The following PRMT8 variants were observed in gnomAD, a reference collection of about 807,000 sequenced individuals.
PRMT8 encodes the protein protein arginine N-methyltransferase 8.
Under a neutral mutation model 47.1 loss-of-function variants are expected in PRMT8, and 7 were observed. The ratio of observed to expected loss-of-function variants is 0.15; its 90% CI spans 0.08 to 0.28. The LOEUF is 0.28. PRMT8 is among the 10% of genes least tolerant of loss of function. PRMT8 has a pLI of 1.00. For missense variants in PRMT8, 237 were observed against 505.4 expected, an observed-to-expected ratio of 0.47 and a Z score of 5.09; for synonymous variants, 188 against 186.5, an observed-to-expected ratio of 1.01 and a Z score of -0.07.
chr12:3,592,202 C>T (rs557979905), intron 8 of PRMT8, 29 bp from the exon 9 acceptor site: 3 of 1,539,442 alleles, frequency 1.9e-6, no homozygotes, highest in South Asian at 2.6e-5. Context: ...ACTCTTTCTT[C>T]CCACCTCCCC....
At chr12:3,430,202 A>G (rs1864659412) in intron 1 of PRMT8, among the ~76,000 whole-genome samples, 1 of 152,218 alleles carries the variant, frequency 6.6e-6, no homozygotes, top group Non-Finnish European at 1.5e-5. Flanking sequence ...TGCACCAGTA[A>G]TCAGAACTGA....
chr12:3,542,289 GA>G (rs1266414480), intron 2 of PRMT8, among the ~76,000 whole-genome samples: 1 of 152,202 alleles, frequency 6.6e-6, no homozygotes, highest in African/African-American at 2.4e-5. Flanking sequence ...GTTCGGTCCA[GA>G]AGGTCCTGGC....
intron 1 of PRMT8, among the ~76,000 whole-genome samples, chr12:3,447,465 C>G (rs1864870274): frequency 6.6e-6 from 1 of 152,088 alleles, no homozygotes; most frequent in South Asian, 2.1e-4. Flanking sequence ...TTATGCTGTT[C>G]CCACAGCTGA....
At position 3,557,270 on chromosome 12, in the gene PRMT8, G is replaced by A. The variant is rs145057411; in HGVS notation, c.481+3556G>A. Among the ~76,000 whole-genome samples, 1 of 152,314 alleles carries A rather than the reference G, an allele frequency of 6.6e-6. No homozygotes were observed. Among genetic ancestry groups the A allele is most frequent in the East Asian group, 1.9e-4 (1 of 5,182 alleles). ...AGCTCGAGTGCGATTGGAGTAGAAG[G>A]TTGCCGGGATCAGGGCTTTGCTGGG... On this transcript the variant is annotated intron_variant, in intron 4 of 9. Coordinates refer to ENST00000382622, the MANE Select transcript of PRMT8 (RefSeq NM_019854.5). The surrounding 1 kb of genome is among the most constrained non-coding windows in gnomAD (Gnocchi z 4.7).
Position 3,409,968 on chromosome 12 carries a change from A to G in PRMT8, c.48+28526A>G, listed in dbSNP as rs181942672. ...GTGTAGCAGCAACTGGGAGGCGTGG[A>G]TGGAGTGGCTCTGGCCCTCTGGCAG... On this transcript the variant is annotated intron_variant, in intron 1 of 9. Coordinates refer to the PRMT8 transcript ENST00000452611. The surrounding 1 kb of genome is among the most constrained non-coding windows in gnomAD (Gnocchi z 4.4). Among the ~76,000 whole-genome samples the G allele has an allele frequency of 3.9e-5, 6 of 152,314 alleles. No individual in the cohort carries two copies. Among genetic ancestry groups the G allele is most frequent in the Admixed American group, 6.5e-5 (1 of 15,304 alleles).
chr12:3,521,360 G>A (rs1448857420), intron 1 of PRMT8, among the ~76,000 whole-genome samples: 1 of 152,122 alleles, frequency 6.6e-6, no homozygotes, highest in East Asian at 1.9e-4. Flanking sequence ...GATCACTTGA[G>A]GTCAGGAGTA....
At position 3,415,950 on chromosome 12, in the gene PRMT8, AG is replaced by A. The variant is rs1864479106; in HGVS notation, c.48+34511del. Among the ~76,000 whole-genome samples the A allele has an allele frequency of 5.9e-5, 9 of 152,310 alleles. 1 individual carries two copies. The South Asian group carries it at 1.2e-3, about 21-fold the overall frequency. ...TCTCCCCGCAGGACAGGGACAAACT[AG>A]GGCTGCCTGTGCAGGATCACTTGAT... On this transcript the variant is annotated intron_variant, in intron 1 of 9. Transcript: ENST00000452611.
rs1412199669 is a variant in PRMT8, at chr12:3,569,217, T to C, written c.625-260T>C. On this transcript the variant is annotated intron_variant, in intron 5 of 9. Transcript: ENST00000382622. This position sits in a 1 kb window ranked among gnomAD's most constrained non-coding sequence, Gnocchi z 8.2. The stretch of plus-strand genomic sequence containing the variant: ...CTCCAGGCCAAAGTCGTAACATCTC[T>C]CACTGCTCCTCACTGGATTTACCTT... 1.3e-5 allele frequency among the ~76,000 whole-genome samples: 2 copies of C among 152,240 alleles called. No homozygotes were observed. Among genetic ancestry groups the C allele is most frequent in the African/African-American group, 2.4e-5 (1 of 41,466 alleles).
intron 8 of PRMT8, among the ~76,000 whole-genome samples, chr12:3,591,685 T>C (rs1160339711): frequency 1.3e-5 from 2 of 152,054 alleles, no homozygotes; most frequent in Non-Finnish European, 2.9e-5. Flanking sequence ...TGAGCCACTA[T>C]GTGTGCCCAG....
chr12:3,449,737 T>C (rs1390644339), intron 1 of PRMT8, among the ~76,000 whole-genome samples: 1 of 152,254 alleles, frequency 6.6e-6, no homozygotes, highest in Non-Finnish European at 1.5e-5. Flanking sequence ...TTTAATTAGA[T>C]CCCACTTGTC....
chr12:3,496,224 T>A (rs1482091225), intron 1 of PRMT8, among the ~76,000 whole-genome samples: 1,780 of 58,914 alleles, frequency 0.03, 174 homozygotes, highest in African/African-American at 0.1. Context: ...ATTTTTTTTT[T>A]TTTTTTTTTT....
At chr12:3,585,400 C>T (rs1867149934) in intron 8 of PRMT8, among the ~76,000 whole-genome samples, 1 of 130,346 alleles carries the variant, frequency 7.7e-6, no homozygotes, top group African/African-American at 2.9e-5. Context: ...ACTCTGTCTC[C>T]CAGGCTGGAG....
Position 3,453,774 on chromosome 12 carries a change from C to A in PRMT8, c.48+72332C>A, listed in dbSNP as rs573913734. ...TGTCCTGACGTGGCCCGACTGTGGACCCCCTTGTCCTCCTGCCCGCTGTGT... is the reference window on the plus strand; with the variant it reads ...TGTCCTGACGTGGCCCGACTGTGGAACCCCTTGTCCTCCTGCCCGCTGTGT... On this transcript the variant is annotated intron_variant, in intron 1 of 9. Coordinates refer to the PRMT8 transcript ENST00000452611. This position sits in a 1 kb window ranked among gnomAD's most constrained non-coding sequence, Gnocchi z 4.9. 6.6e-6 allele frequency among the ~76,000 whole-genome samples: 1 copy of A among 152,076 alleles called. No individual in the cohort carries two copies. The highest frequency in any genetic ancestry group is 2.4e-5 in the African/African-American group (1 of 41,406).
At chr12:3,467,103 G>C (rs1865105256) in intron 1 of PRMT8, among the ~76,000 whole-genome samples, 1 of 151,918 alleles carries the variant, frequency 6.6e-6, no homozygotes, top group Non-Finnish European at 1.5e-5. Flanking sequence ...AACCGGGCGT[G>C]GTGGCGGGTG....
intron 1 of PRMT8, among the ~76,000 whole-genome samples, chr12:3,401,032 A>G (rs940175319): frequency 4.0e-5 from 6 of 151,596 alleles, no homozygotes; most frequent in Admixed American, 1.3e-4. Context: ...CTGTAATCCC[A>G]GCTACTTGGG....
chr12:3,410,071 A>G (rs1864411199), intron 1 of PRMT8, among the ~76,000 whole-genome samples: 2 of 152,196 alleles, frequency 1.3e-5, no homozygotes, highest in South Asian at 2.1e-4. Context: ...AATGTTCACC[A>G]AGACTCTTTT....
At chr12:3,413,146 G>A (rs982355136) in intron 1 of PRMT8, among the ~76,000 whole-genome samples, 3 of 152,118 alleles carry the variant, frequency 2.0e-5, no homozygotes, top group Non-Finnish European at 2.9e-5. Flanking sequence ...ATTCAGCCAA[G>A]AATTGGCTGA....
chr12:3,443,365 C>T (rs753622225), intron 1 of PRMT8, among the ~76,000 whole-genome samples: 1 of 152,310 alleles, frequency 6.6e-6, no homozygotes, highest in Non-Finnish European at 1.5e-5. Flanking sequence ...GGCTTTGTCT[C>T]TCCCCTCCAC....
intron 1 of PRMT8, among the ~76,000 whole-genome samples, chr12:3,454,235 C>T (rs1864950624): frequency 1.3e-5 from 2 of 152,276 alleles, no homozygotes; most frequent in African/African-American, 4.8e-5. Flanking sequence ...CTCCTGAAGC[C>T]GCTTCTTCTG....
Sources: gnomAD v4.1 joint callset for allele counts (sites outside exome capture counted in the v4.1 genomes callset) on GRCh38, gnomAD v4.1.1 for gene constraint, Gnocchi (gnomAD v3.1) non-coding constraint, MANE v1.5 for transcripts, NCBI Gene and HGNC (gene_info 2026-07-23, HGNC 2026-07-21) for gene names.